Variants in PDE4D observed in about 807,000 individuals in gnomAD.
The protein encoded by PDE4D is 3',5'-cyclic-AMP phosphodiesterase 4D.
PDE4D carries 24 observed loss-of-function variants against 87.4 expected under a neutral mutation model. That is an observed-to-expected ratio of 0.27 (90% CI 0.20 to 0.39). PDE4D has a LOEUF of 0.39. Ranked by LOEUF, PDE4D falls within the 10% of genes least tolerant of loss-of-function variation. The pLI, the probability that PDE4D is intolerant of heterozygous loss-of-function variation, is 1.00. For missense variants in PDE4D, 714 were observed against 1,041.0 expected (o/e 0.69, Z 4.32); for synonymous variants, 384 against 383.2 (o/e 1.00, Z -0.02).
rs1782117758 is a variant in PDE4D, at chr5:60,157,849, TTTC to T, written c.42+27705_42+27707del. Among the ~76,000 whole-genome samples, 4 of 152,030 alleles carry T rather than the reference TTTC, an allele frequency of 2.6e-5. No individual in the cohort carries two copies. In the South Asian group the frequency reaches 8.3e-4, roughly 32 times the overall value. ...ATACAAACAGAAAATGAACCATTCTTTTCTTTTCTTTTTTCTTTTTTCTTTTCC... is the reference window on the plus strand; with the variant it reads ...ATACAAACAGAAAATGAACCATTCTTTTTTCTTTTTTCTTTTTTCTTTTCC... On this transcript the variant is annotated intron_variant, in intron 2 of 16. Coordinates refer to the PDE4D transcript ENST00000502484.
intron 1 of PDE4D, among the ~76,000 whole-genome samples, chr5:59,359,105 T>C (rs186848806): frequency 3.3e-5 from 5 of 152,310 alleles, no homozygotes; most frequent in Admixed American, 2.0e-4. Flanking sequence ...TACAAGGACA[T>C]ACGAATAATC....
rs1983174 is a variant in PDE4D, at chr5:59,988,870, T to C, written c.43-153A>G. ...AAACAGTGACATTAACTGAACAATA[T>C]TTGATTAACTAAAATCTAAATTTAT... On this transcript the variant is annotated intron_variant, in intron 2 of 16. Coordinates refer to the PDE4D transcript ENST00000502484. Among the ~76,000 whole-genome samples the C allele has an allele frequency of 0.62, 94,805 of 151,816 alleles. 32,283 individuals are homozygous for C. Among genetic ancestry groups the C allele is most frequent in the East Asian group, 0.83 (4,263 of 5,160 alleles).
chr5:59,743,449 A>G (rs562930757), intron 1 of PDE4D, among the ~76,000 whole-genome samples: 1 of 152,292 alleles, frequency 6.6e-6, no homozygotes, highest in South Asian at 2.1e-4. Flanking sequence ...GCTCAACATT[A>G]CTAATAGAGA....
At chr5:59,125,441 C>T (rs1199512557) in intron 5 of PDE4D, 3 of 191,724 alleles carry the variant, frequency 1.6e-5, no homozygotes, top group Non-Finnish European at 2.9e-5. Context: ...CATCGGGCTT[C>T]CTAGCACTTC....
chr5:59,849,521 T>G (rs173944), intron 1 of PDE4D, among the ~76,000 whole-genome samples: 25,016 of 151,884 alleles, frequency 0.16, 2,261 homozygotes, highest in Middle Eastern at 0.26. Context: ...CCCTGTGAGC[T>G]GCACTCATCT....
At chr5:59,720,066 C>A (rs946742104) in intron 1 of PDE4D, among the ~76,000 whole-genome samples, 4 of 152,214 alleles carry the variant, frequency 2.6e-5, no homozygotes, top group Admixed American at 6.5e-5. Context: ...GAAGCTGTTT[C>A]TTCCACTCTG....
chr5:59,940,989 C>T (rs998462432), intron 3 of PDE4D, among the ~76,000 whole-genome samples: 1 of 152,042 alleles, frequency 6.6e-6, no homozygotes, highest in East Asian at 1.9e-4. Flanking sequence ...TCTTTCCATG[C>T]TTTGTGATCT....
intron 1 of PDE4D, among the ~76,000 whole-genome samples, chr5:59,717,672 T>C (rs1013485278): frequency 2.6e-5 from 4 of 152,228 alleles, no homozygotes; most frequent in African/African-American, 9.6e-5. Flanking sequence ...TTCATTACGA[T>C]ATTTAAGAAA....
chr5:59,330,330 T>G (rs1776486745), intron 1 of PDE4D, among the ~76,000 whole-genome samples: 2 of 152,140 alleles, frequency 1.3e-5, no homozygotes, highest in African/African-American at 4.8e-5. Context: ...CTTGGTAAGG[T>G]AACTATGATC....
chr5:59,596,336 CAAA>C (rs961666957), intron 1 of PDE4D, among the ~76,000 whole-genome samples: 1 of 135,420 alleles, frequency 7.4e-6, no homozygotes, highest in Non-Finnish European at 1.6e-5. Flanking sequence ...ACGAGAAATA[CAAA>C]AAAAAAAAGA....
At chr5:59,956,209 G>A (rs1189480920) in intron 3 of PDE4D, among the ~76,000 whole-genome samples, 1 of 152,186 alleles carries the variant, frequency 6.6e-6, no homozygotes, top group African/African-American at 2.4e-5. Context: ...TCTAATGGGA[G>A]AAGGTGGAGT....
chr5:59,077,356 A>T (rs1765858269), intron 5 of PDE4D, among the ~76,000 whole-genome samples: 2 of 152,174 alleles, frequency 1.3e-5, no homozygotes, highest in South Asian at 4.1e-4. Context: ...TTTCCAGGAA[A>T]ATATTTCACT....
At chr5:58,992,051 G>C (rs1196320332) in intron 7 of PDE4D, 47 bp from the exon 8 acceptor site, 1 of 1,138,268 alleles carries the variant, frequency 8.8e-7, no homozygotes, top group East Asian at 2.8e-5. Context: ...AATTCTATCT[G>C]TTTTATATCA....
At chr5:59,039,122 C>T (rs1248789404) in intron 5 of PDE4D, 151 bp from the exon 6 acceptor site, 1 of 1,381,628 alleles carries the variant, frequency 7.2e-7, no homozygotes, top group Non-Finnish European at 9.4e-7. Flanking sequence ...CCCAGCCCGG[C>T]AGTGCAACGG....
chr5:59,077,002 C>A (rs1361730345), intron 5 of PDE4D, among the ~76,000 whole-genome samples: 2 of 152,222 alleles, frequency 1.3e-5, no homozygotes, highest in African/African-American at 4.8e-5. Flanking sequence ...AAATAAGTTT[C>A]TTTGCAGTGT....
chr5:59,073,104 C>T (rs926823795), intron 5 of PDE4D, among the ~76,000 whole-genome samples: 1 of 152,170 alleles, frequency 6.6e-6, no homozygotes, highest in Non-Finnish European at 1.5e-5. Context: ...ATTAATTCAA[C>T]AAACTTTATT....
chr5:59,412,229 G>A (rs553842746), intron 1 of PDE4D, among the ~76,000 whole-genome samples: 14 of 152,206 alleles, frequency 9.2e-5, no homozygotes, highest in Non-Finnish European at 1.6e-4. Flanking sequence ...TAAATGCAAC[G>A]TTTTGTACTT....
intron 1 of PDE4D, among the ~76,000 whole-genome samples, chr5:60,418,866 T>C (rs1742849756): frequency 6.6e-6 from 1 of 152,010 alleles, no homozygotes; most frequent in Non-Finnish European, 1.5e-5. Flanking sequence ...CCCTCCCCCT[T>C]AGCCCCCTTA....
At chr5:59,982,168 A>G (rs1306530009) in intron 3 of PDE4D, among the ~76,000 whole-genome samples, 5 of 152,116 alleles carry the variant, frequency 3.3e-5, no homozygotes, top group African/African-American at 1.2e-4. Context: ...TTCTTTTTTT[A>G]TAGGACATAG....
Sources: gnomAD v4.1 joint callset for allele counts (sites outside exome capture counted in the v4.1 genomes callset) on GRCh38, gnomAD v4.1.1 for gene constraint, MANE v1.5 for transcripts, NCBI Gene and HGNC (gene_info 2026-07-23, HGNC 2026-07-21) for gene names.